The following ENOX1 variants were observed in gnomAD, a reference collection of about 807,000 sequenced individuals.
ENOX1 encodes candidate growth-related and time keeping constitutive hydroquinone (NADH) oxidase.
A neutral mutation model predicts 82.5 loss-of-function variants in ENOX1; 42 were observed. That is an observed-to-expected ratio of 0.51 (90% CI 0.40 to 0.66). ENOX1 has a LOEUF of 0.66. Among genes scored for constraint, ENOX1 ranks in the 30% least tolerant of loss-of-function variants. ENOX1 has a pLI of 0.00. For missense variants in ENOX1, 608 were observed against 811.6 expected, an observed-to-expected ratio of 0.75 and a Z score of 3.05; for synonymous variants, 271 against 282.2, an observed-to-expected ratio of 0.96 and a Z score of 0.40.
intron 5 of ENOX1, among the ~76,000 whole-genome samples, chr13:43,389,517 AC>A (rs1301237283): frequency 6.6e-6 from 1 of 152,254 alleles, no homozygotes; most frequent in East Asian, 1.9e-4. Flanking sequence ...GAAGGGATCA[AC>A]AGTTAAAATA....
At chr13:43,602,130 T>C (rs918675489) in intron 2 of ENOX1, among the ~76,000 whole-genome samples, 6 of 152,102 alleles carry the variant, frequency 3.9e-5, no homozygotes, top group African/African-American at 1.4e-4. Flanking sequence ...AAGAGTCTTA[T>C]GTAAGCATAA....
intron 1 of ENOX1, among the ~76,000 whole-genome samples, chr13:43,771,737 CTTCTAAAATCAG>C (rs1320920409): frequency 1.3e-5 from 2 of 151,934 alleles, no homozygotes; most frequent in African/African-American, 4.8e-5. Flanking sequence ...AAAACTCTGG[CTTCTAAAATCAG>C]TTCATTGGTG....
intron 1 of ENOX1, among the ~76,000 whole-genome samples, chr13:43,727,268 A>C (rs1049679603): frequency 6.6e-6 from 1 of 152,150 alleles, no homozygotes; most frequent in African/African-American, 2.4e-5. Flanking sequence ...ACCAGGTGGG[A>C]ATAAGAGACC....
chr13:43,293,076 C>T (rs2046092871), intron 12 of ENOX1, among the ~76,000 whole-genome samples: 1 of 152,094 alleles, frequency 6.6e-6, no homozygotes, highest in Non-Finnish European at 1.5e-5. Context: ...CCACAGCCAC[C>T]ATCCTCACCA....
chr13:43,785,638 C>T (rs1358022240), intron 1 of ENOX1, among the ~76,000 whole-genome samples: 2 of 152,132 alleles, frequency 1.3e-5, no homozygotes, highest in East Asian at 3.9e-4. Flanking sequence ...GGTGAAGAAG[C>T]GTGGCTCAGT....
intron 3 of ENOX1, among the ~76,000 whole-genome samples, chr13:43,467,550 T>TCTGGTATA (rs1395027028): frequency 2.0e-4 from 30 of 148,578 alleles, no homozygotes; most frequent in Non-Finnish European, 3.8e-4. Flanking sequence ...TCTTTATATA[T>TCTGGTATA]CTGGTATACT....
At chr13:43,719,489 C>T (rs1167999792) in intron 1 of ENOX1, among the ~76,000 whole-genome samples, 2 of 152,090 alleles carry the variant, frequency 1.3e-5, no homozygotes, top group Non-Finnish European at 2.9e-5. Context: ...ATCTACATCC[C>T]AGTGGTCATA....
At chr13:43,405,014 G>C (rs1210971412) in intron 5 of ENOX1, among the ~76,000 whole-genome samples, 2 of 152,192 alleles carry the variant, frequency 1.3e-5, no homozygotes, top group Middle Eastern at 3.2e-3. Context: ...GGCTGTGTCA[G>C]AGAATGCCAC....
intron 15 of ENOX1, among the ~76,000 whole-genome samples, chr13:43,224,348 G>A (rs974407194): frequency 6.6e-6 from 1 of 152,172 alleles, no homozygotes; most frequent in African/African-American, 2.4e-5. Context: ...TGGAATGATA[G>A]TAGTTAGCAA....
chr13:43,367,567 T>C lies in ENOX1; in HGVS notation c.209-6115A>G, dbSNP rs1004071516. ...AACACCAGAAGCTAAGAGAAAGACATGAAACTGATTCTTCCCTGGATCCTT... is the reference window on the plus strand; with the variant it reads ...AACACCAGAAGCTAAGAGAAAGACACGAAACTGATTCTTCCCTGGATCCTT... On this transcript the variant is annotated intron_variant, in intron 5 of 16. Coordinates refer to ENST00000690772, the MANE Select transcript of ENOX1 (RefSeq NM_001347969.2). 2.6e-5 allele frequency among the ~76,000 whole-genome samples: 4 copies of C among 152,026 alleles called. No homozygotes were observed. The East Asian group carries it at 7.7e-4, about 29-fold the overall frequency.
At position 43,318,200 on chromosome 13, in the gene ENOX1, G is replaced by A. The variant is rs528343661; in HGVS notation, c.1261+4184C>T. Among the ~76,000 whole-genome samples, 10 of 152,234 alleles carry A rather than the reference G, an allele frequency of 6.6e-5. No individual in the cohort carries two copies. The South Asian group carries it at 1.7e-3, about 25-fold the overall frequency. ...CATAATGATTGTCTACTGAGCAAGG[G>A]ACTTTTTAGTTTTACTCTTCTAACA... On this transcript the variant is annotated intron_variant, in intron 11 of 16. Coordinates refer to ENST00000690772, the MANE Select transcript of ENOX1 (RefSeq NM_001347969.2).
chr13:43,470,391 T>TATATATAC (rs1171344851), intron 3 of ENOX1, among the ~76,000 whole-genome samples: 3 of 109,158 alleles, frequency 2.7e-5, no homozygotes, highest in African/African-American at 9.6e-5. Context: ...TATATACGTA[T>TATATATAC]ATATATGTGT....
chr13:43,418,976 G>C (rs1273747552), intron 3 of ENOX1, among the ~76,000 whole-genome samples: 2 of 152,072 alleles, frequency 1.3e-5, no homozygotes, highest in Admixed American at 6.6e-5. Context: ...TCAGGAATTT[G>C]AGACCAGCCT....
At chr13:43,747,272 C>T (rs1047186966) in intron 1 of ENOX1, among the ~76,000 whole-genome samples, 1 of 152,032 alleles carries the variant, frequency 6.6e-6, no homozygotes, top group Admixed American at 6.6e-5. Flanking sequence ...ACAAATGAAC[C>T]AATGTGTTAT....
At chr13:43,445,558 G>C (rs2056609198) in intron 3 of ENOX1, among the ~76,000 whole-genome samples, 1 of 152,144 alleles carries the variant, frequency 6.6e-6, no homozygotes, top group Admixed American at 6.5e-5. Flanking sequence ...TTCCTGGCTT[G>C]GGGGTTCTGA....
chr13:43,269,696 C>A, intron 12 of ENOX1, 119 bp from the exon 13 acceptor site: 2 of 770,920 alleles, frequency 2.6e-6, no homozygotes, highest in Non-Finnish European at 4.4e-6. Context: ...AAGCTTAATT[C>A]AGACCTCAGT....
At chr13:43,361,196 C>CGTAA (rs2050481216) in intron 6 of ENOX1, 83 bp downstream of exon 6, 1 of 1,415,528 alleles carries the variant, frequency 7.1e-7, no homozygotes, top group African/African-American at 1.4e-5. Context: ...TGAGTCACAT[C>CGTAA]TGAAAATGAC....
chr13:43,557,509 T>A (rs117984871), intron 2 of ENOX1, among the ~76,000 whole-genome samples: 1 of 152,210 alleles, frequency 6.6e-6, no homozygotes, highest in East Asian at 1.9e-4. Flanking sequence ...AGAAGCAGGG[T>A]GGCTCTGACT....
At chr13:43,508,856 A>C (rs2077269198) in intron 2 of ENOX1, among the ~76,000 whole-genome samples, 1 of 152,014 alleles carries the variant, frequency 6.6e-6, no homozygotes, top group Non-Finnish European at 1.5e-5. Flanking sequence ...GTAAGTCTAG[A>C]GGTGGGATCC....
Sources: allele counts gnomAD v4.1 joint callset (sites outside exome capture counted in the v4.1 genomes callset), GRCh38; gene constraint gnomAD v4.1.1; transcripts MANE v1.5; gene names NCBI Gene and HGNC (gene_info 2026-07-23, HGNC 2026-07-21).